Variants in PHACTR4 observed in about 807,000 individuals in gnomAD.
The protein encoded by PHACTR4 is phosphatase and actin regulator 4, also known as protein phosphatase 1, regulatory subunit 124.
Under a neutral mutation model 72.7 loss-of-function variants are expected in PHACTR4, and 51 were observed. The ratio of observed to expected loss-of-function variants is 0.70; its 90% CI spans 0.56 to 0.89. The LOEUF is 0.89. Ranked by LOEUF, PHACTR4 falls within the 40% of genes least tolerant of loss-of-function variation. The pLI is 0.00. For synonymous variants in PHACTR4, 255 were observed against 302.5 expected (o/e 0.84, Z 1.63); for missense variants, 731 against 861.8 (o/e 0.85, Z 1.90).
At chr1:28,424,930 G>A (rs1339213924) in intron 2 of PHACTR4, among the ~76,000 whole-genome samples, 1 of 151,852 alleles carries the variant, frequency 6.6e-6, no homozygotes, top group Non-Finnish European at 1.5e-5. Flanking sequence ...GGGAAGCTGG[G>A]GTTACAGGCA....
At chr1:28,408,298 G>T (rs1242010288) in intron 2 of PHACTR4, among the ~76,000 whole-genome samples, 1 of 152,122 alleles carries the variant, frequency 6.6e-6, no homozygotes, top group Admixed American at 6.5e-5. Context: ...AGTGGCTCAT[G>T]CCTGTAATCC....
At chr1:28,480,184 G>A (rs980447227) in intron 8 of PHACTR4, among the ~76,000 whole-genome samples, 1 of 152,190 alleles carries the variant, frequency 6.6e-6, no homozygotes, top group Non-Finnish European at 1.5e-5. Flanking sequence ...TCTCTCTCCT[G>A]TAGCAACTCT....
rs1030831201 is a variant in PHACTR4 at position 28,439,619 on chromosome 1, T to C, written c.17-19466T>C. On this transcript the variant is annotated intron_variant, in intron 2 of 13. Transcript: ENST00000373839. ...TTAAAAAAATGAAATGTTTCATAAA[T>C]AGAAAAAGGTATAAAGAAAAATATA... is the stretch of plus-strand genomic sequence containing the variant. Among the ~76,000 whole-genome samples, 22 of 152,140 alleles carry C rather than the reference T, an allele frequency of 1.4e-4. 1 individual carries two copies. Among genetic ancestry groups the C allele is most frequent in the Admixed American group, 2.6e-4 (4 of 15,260 alleles).
At chr1:28,377,351 G>A (rs924464845) in intron 1 of PHACTR4, among the ~76,000 whole-genome samples, 2 of 150,686 alleles carry the variant, frequency 1.3e-5, no homozygotes, top group African/African-American at 2.4e-5. Flanking sequence ...TGATTCTCCT[G>A]CCTCAGCCTC....
At position 28,492,950 on chromosome 1, in the gene PHACTR4, G is replaced by A; in HGVS notation, c.2017-65G>A. On this transcript the variant is annotated intron_variant, in intron 12 of 13. Coordinates refer to ENST00000373839, the MANE Select transcript of PHACTR4 (RefSeq NM_001048183.3). ...AAAGTTAAACACAGTACAGAAAAATGACAAGTTACACTGCTGTGCAAAGCA... is the reference window on the plus strand; with the variant it reads ...AAAGTTAAACACAGTACAGAAAAATAACAAGTTACACTGCTGTGCAAAGCA... The A allele has an allele frequency of 2.1e-6, 3 of 1,412,014 alleles. No individual in the cohort carries two copies. In the South Asian group the frequency reaches 3.5e-5, roughly 16 times the overall value. The allele number at this position is 1,412,014 out of a possible 1,614,324, so 87.5% of individuals were successfully genotyped here.
intron 8 of PHACTR4, among the ~76,000 whole-genome samples, chr1:28,476,676 G>C (rs1659939753): frequency 6.6e-6 from 1 of 151,374 alleles, no homozygotes; most frequent in African/African-American, 2.4e-5. Context: ...AAATAGCTAG[G>C]ACAGATGTGT....
chr1:28,430,544 T>C (rs1235681536), intron 2 of PHACTR4, among the ~76,000 whole-genome samples: 6 of 152,194 alleles, frequency 3.9e-5, no homozygotes, highest in South Asian at 4.1e-4. Flanking sequence ...GAGTAGATCA[T>C]GGGGTAAAGA....
At chr1:28,427,885 A>ATT (rs1655974159) in intron 2 of PHACTR4, among the ~76,000 whole-genome samples, 1 of 152,234 alleles carries the variant, frequency 6.6e-6, no homozygotes, top group Non-Finnish European at 1.5e-5. Flanking sequence ...CTCAATAATT[A>ATT]TAATCTAATT....
intron 2 of PHACTR4, among the ~76,000 whole-genome samples, chr1:28,408,334 C>A (rs2124285884): frequency 6.6e-6 from 1 of 152,172 alleles, no homozygotes; most frequent in East Asian, 1.9e-4. Context: ...CTGAGATGGG[C>A]AGATCACTTG....
At chr1:28,486,748 A>T (rs1660666837) in intron 9 of PHACTR4, among the ~76,000 whole-genome samples, 1 of 151,842 alleles carries the variant, frequency 6.6e-6, no homozygotes, top group African/African-American at 2.4e-5. Flanking sequence ...AGTCTCAGCT[A>T]CTCAGGAGGC....
chr1:28,388,071 G>A (rs1179003790), intron 1 of PHACTR4, among the ~76,000 whole-genome samples: 4 of 151,918 alleles, frequency 2.6e-5, no homozygotes, highest in African/African-American at 9.7e-5. Context: ...TGGGCCTGTG[G>A]TCTCAGCTAC....
intron 1 of PHACTR4, 148 bp from the exon 2 acceptor site, chr1:28,407,262 A>C (rs910607558): frequency 7.7e-5 from 32 of 417,436 alleles, no homozygotes; most frequent in African/African-American, 1.7e-4. Flanking sequence ...AAAAAAAAAA[A>C]AACTATCATT....
chr1:28,371,764 A>C (rs1384571750), intron 1 of PHACTR4, among the ~76,000 whole-genome samples: 1 of 151,864 alleles, frequency 6.6e-6, no homozygotes, highest in Non-Finnish European at 1.5e-5. Flanking sequence ...TAATTAAAAA[A>C]ATTTTTAAAA....
At chr1:28,380,631 A>T (rs1652093748) in intron 1 of PHACTR4, among the ~76,000 whole-genome samples, 1 of 152,160 alleles carries the variant, frequency 6.6e-6, no homozygotes, top group Non-Finnish European at 1.5e-5. Context: ...TGCTAAAGAT[A>T]ATGGCCTCCA....
chr1:28,436,260 A>T (rs1452021811), intron 2 of PHACTR4, among the ~76,000 whole-genome samples: 1 of 152,082 alleles, frequency 6.6e-6, no homozygotes, highest in Non-Finnish European at 1.5e-5. Context: ...GTCTTTTTTT[A>T]AAAAATTATT....
chr1:28,409,112 TTTTC>T (rs1257074184), intron 2 of PHACTR4, among the ~76,000 whole-genome samples: 27 of 151,196 alleles, frequency 1.8e-4, no homozygotes, highest in East Asian at 1.9e-4. Context: ...GTGGAACCCC[TTTTC>T]TTTCTTTCTT....
intron 4 of PHACTR4, among the ~76,000 whole-genome samples, chr1:28,461,173 C>T (rs1251947367): frequency 2.0e-5 from 3 of 152,078 alleles, no homozygotes; most frequent in Non-Finnish European, 2.9e-5. Context: ...GGCATGGTGG[C>T]TCACGCCTGT....
At chr1:28,373,835 C>T (rs1038114495) in intron 1 of PHACTR4, among the ~76,000 whole-genome samples, 3 of 152,176 alleles carry the variant, frequency 2.0e-5, no homozygotes, top group Non-Finnish European at 4.4e-5. Context: ...AGCCTAGCCT[C>T]TAAAATGTTG....
rs1661527450 is a variant in PHACTR4 at position 28,499,179 on chromosome 1, A to AGG, written c.*2631_*2632dup. ...AGACAGAATTTTGCTCTTGTTGCCCAGGCCGGAGTGCAATGGTGCAATCTC... is the reference window on the plus strand; with the variant it reads ...AGACAGAATTTTGCTCTTGTTGCCCAGGGGCCGGAGTGCAATGGTGCAATCTC... On this transcript the variant is annotated 3_prime_UTR_variant, in exon 14 of 14. Transcript: ENST00000373839. The AGG allele has an allele frequency of 6.6e-6, 1 of 151,718 alleles. No individual in the cohort carries two copies. Among genetic ancestry groups the AGG allele is most frequent in the South Asian group, 2.1e-4 (1 of 4,774 alleles). 9.4% of individuals were successfully genotyped at this position (151,718 alleles called of 1,614,324 possible).
Sources: allele counts gnomAD v4.1 joint callset (sites outside exome capture counted in the v4.1 genomes callset), GRCh38; gene constraint gnomAD v4.1.1; transcripts MANE v1.5; gene names NCBI Gene and HGNC (gene_info 2026-07-23, HGNC 2026-07-21).